NR2C2: variants seen among roughly 807,000 people sequenced by gnomAD.
NR2C2 encodes Nuclear hormone receptor TR4.
Under a neutral mutation model 62.9 loss-of-function variants are expected in NR2C2, and 6 were observed. That is an observed-to-expected ratio of 0.10 (90% CI 0.05 to 0.19). The LOEUF (loss-of-function observed/expected upper bound fraction) is 0.19, where lower values mean the gene tolerates loss of function less well. Ranked by LOEUF, NR2C2 falls within the 10% of genes least tolerant of loss-of-function variation. The pLI, the probability that NR2C2 is intolerant of heterozygous loss-of-function variation, is 1.00. For synonymous variants in NR2C2, 272 were observed against 273.8 expected (o/e 0.99, Z 0.07); for missense variants, 479 against 762.7 (o/e 0.63, Z 4.38).
chr3:14,972,572 G>A (rs543456893), intron 1 of NR2C2, among the ~76,000 whole-genome samples: 5 of 152,194 alleles, frequency 3.3e-5, no homozygotes, highest in African/African-American at 1.2e-4. Context: ...GAGGTTTTTT[G>A]TCATTGAGCT....
intron 9 of NR2C2, 125 bp downstream of exon 9, chr3:15,030,577 T>G: frequency 2.0e-6 from 2 of 985,704 alleles, no homozygotes; most frequent in South Asian, 4.3e-5. Flanking sequence ...CCTGTAATCT[T>G]AGCACTTCGG....
At chr3:14,953,851 C>T (rs973527355) in intron 1 of NR2C2, among the ~76,000 whole-genome samples, 25 of 150,296 alleles carry the variant, frequency 1.7e-4, no homozygotes, top group African/African-American at 4.9e-4. Flanking sequence ...ACCAAGATCA[C>T]GCCACTGCAC....
In NR2C2 at chr3:14,994,547, A is replaced by G. The variant is rs186657560; in HGVS notation, c.-39-9329A>G. On this transcript the variant is annotated intron_variant, in intron 1 of 13. Coordinates refer to ENST00000425241, the MANE Select transcript of NR2C2 (RefSeq NM_001291694.2). ...AACCTCTGCCTCCTGGGTTTAAGCG[A>G]TTCTTCTGCCTCAGACTCCCGAGTA... is the stretch of plus-strand genomic sequence containing the variant. Among the ~76,000 whole-genome samples the G allele has an allele frequency of 1.2e-3, 168 of 142,560 alleles. 1 individual carries two copies. Among genetic ancestry groups the G allele is most frequent in the Admixed American group, 3.8e-3 (51 of 13,318 alleles). The allele number at this position is 142,560 out of a possible 152,430, so 93.5% of individuals were successfully genotyped here.
intron 1 of NR2C2, among the ~76,000 whole-genome samples, chr3:14,978,695 G>T (rs1191006183): frequency 6.6e-6 from 1 of 152,154 alleles, no homozygotes; most frequent in Non-Finnish European, 1.5e-5. Context: ...CATGGGGGTT[G>T]GAGGTTCACT....
chr3:15,031,407 G>A (rs1207610577), intron 9 of NR2C2, among the ~76,000 whole-genome samples: 3 of 151,232 alleles, frequency 2.0e-5, no homozygotes, highest in Admixed American at 6.6e-5. Context: ...AGGCTGAAGC[G>A]TAGTGATGTG....
At chr3:15,008,860 C>T (rs1178526731) in intron 2 of NR2C2, among the ~76,000 whole-genome samples, 3 of 152,160 alleles carry the variant, frequency 2.0e-5, no homozygotes, top group Admixed American at 6.5e-5. Flanking sequence ...TTGTCAGTAA[C>T]GTATTAAAAA....
chr3:15,032,984 T>A (rs2042018299), intron 10 of NR2C2, among the ~76,000 whole-genome samples: 1 of 140,180 alleles, frequency 7.1e-6, no homozygotes, highest in African/African-American at 2.6e-5. Flanking sequence ...CTTTTCTTGC[T>A]TTCTTGAGTA....
chr3:14,976,379 G>T (rs750987714), intron 1 of NR2C2, among the ~76,000 whole-genome samples: 1 of 152,052 alleles, frequency 6.6e-6, no homozygotes, highest in African/African-American at 2.4e-5. Context: ...ATACTTCCTA[G>T]TGTCTCCAAC....
chr3:15,024,430 T>G (rs2041766150), intron 7 of NR2C2, among the ~76,000 whole-genome samples: 1 of 152,244 alleles, frequency 6.6e-6, no homozygotes, highest in African/African-American at 2.4e-5. Flanking sequence ...CTGTAACATG[T>G]CAGTCTAGAT....
At chr3:15,034,631 C>T (rs780032652) in intron 10 of NR2C2, 39 bp from the exon 11 acceptor site, 5 of 1,601,962 alleles carry the variant, frequency 3.1e-6, no homozygotes, top group Non-Finnish European at 4.3e-6. Flanking sequence ...GGAGAAATGC[C>T]AACACACACC....
rs1430216735 is a variant in NR2C2, at chr3:15,047,011, A to C, written c.*4003A>C. 1 of 152,714 alleles carries C rather than the reference A, an allele frequency of 6.5e-6. No individual in the cohort carries two copies. Among genetic ancestry groups the C allele is most frequent in the East Asian group, 1.9e-4 (1 of 5,200 alleles). The allele number at this position is 152,714 out of a possible 1,614,324, so 9.5% of individuals were successfully genotyped here. ...ATGTCCAGCCCTGGGTCCCTTCAGC[A>C]GCATTGTGCGTGTACAGGTTTCTAG... is the stretch of plus-strand genomic sequence containing the variant. On this transcript the variant is annotated 3_prime_UTR_variant, in exon 14 of 14. Coordinates refer to ENST00000425241, the MANE Select transcript of NR2C2 (RefSeq NM_001291694.2).
chr3:15,037,880 A>C (rs1332489818), intron 11 of NR2C2, 120 bp from the exon 12 acceptor site: 1 of 1,081,632 alleles, frequency 9.2e-7, no homozygotes, highest in East Asian at 2.5e-5. Flanking sequence ...TCACCTTGAG[A>C]TTACTGATTT....
rs942956797 is a variant in NR2C2 at position 14,997,357 on chromosome 3, T to C, written c.-39-6519T>C. Among the ~76,000 whole-genome samples the C allele has an allele frequency of 2.6e-5, 4 of 152,352 alleles. No individual in the cohort carries two copies. The South Asian group carries it at 8.3e-4, about 32-fold the overall frequency. ...CTAATGACACATTTCTCAGAACATA[T>C]TCCTGTCTTTAAGCAACACATAACT... On this transcript the variant is annotated intron_variant, in intron 1 of 13. Transcript: ENST00000425241.
chr3:15,035,074 T>A (rs531311888), intron 11 of NR2C2, among the ~76,000 whole-genome samples: 1 of 152,170 alleles, frequency 6.6e-6, no homozygotes, highest in Non-Finnish European at 1.5e-5. Context: ...GGAGGATCAC[T>A]TGAGCCCAGG....
Position 15,049,128 on chromosome 3 carries a change from A to C in NR2C2, c.*6120A>C, listed in dbSNP as rs2042558544. The C allele has an allele frequency of 6.6e-6, 1 of 152,598 alleles. No homozygotes were observed. The highest frequency in any genetic ancestry group is 1.5e-5 in the Non-Finnish European group (1 of 68,028). 9.5% of individuals were successfully genotyped at this position (152,598 alleles called of 1,614,324 possible). A position where few individuals can be genotyped will look rare whatever the true frequency, so the allele number is the denominator to read the frequency against. ...TCTTCAGTCTTGAAGAAGAATTTGC[A>C]TTGTTGTGTTTGTATATAGAGTATT... is the stretch of plus-strand genomic sequence containing the variant. On this transcript the variant is annotated 3_prime_UTR_variant, in exon 14 of 14. Transcript: ENST00000425241.
chr3:14,960,952 TTG>T (rs57608166), intron 1 of NR2C2, among the ~76,000 whole-genome samples: 2,967 of 152,296 alleles, frequency 0.019, 94 homozygotes, highest in African/African-American at 0.068. Flanking sequence ...AAAGGTATCT[TTG>T]TGTTTTTTTC....
chr3:14,966,528 A>G (rs1233836458), intron 1 of NR2C2, among the ~76,000 whole-genome samples: 1 of 152,240 alleles, frequency 6.6e-6, no homozygotes, highest in Non-Finnish European at 1.5e-5. Context: ...TCAAGACTAC[A>G]GTGAGCTATG....
rs142370279 is a variant in NR2C2, at chr3:15,028,662, A to G, written c.875A>G (p.Asn292Ser). 748 of 1,614,184 alleles carry G rather than the reference A, an allele frequency of 4.6e-4. 6 individuals are homozygous for G. The South Asian group carries it at 5.3e-3, about 11-fold the overall frequency. ...CTTGCCAACCTAAGTGAATCTTTGAACAACGGTGACACTTCAGAAATCCAG... is the reference window on the plus strand; with the variant it reads ...CTTGCCAACCTAAGTGAATCTTTGAGCAACGGTGACACTTCAGAAATCCAG... ...TSLANLSESLNNGDTSEIQPE... is the reference protein window; with the variant it reads ...TSLANLSESLSNGDTSEIQPE... Residue 292 changes from asparagine to serine, a missense_variant, in exon 8 of 14, where the codon AAC becomes AGC. Physicochemically the swap from Asn to Ser is conservative, Grantham distance 46. This residue lies in a region of NR2C2 where 151 missense variants were observed against 176.1 expected (regional missense o/e 0.86). Transcript: ENST00000425241.
chr3:14,999,054 C>T (rs754483072), intron 1 of NR2C2, among the ~76,000 whole-genome samples: 27 of 152,084 alleles, frequency 1.8e-4, no homozygotes, highest in African/African-American at 2.4e-4. Flanking sequence ...CAGTGGCTCA[C>T]GCCTGTAATC....
Sources: gnomAD v4.1 joint callset for allele counts (sites outside exome capture counted in the v4.1 genomes callset) on GRCh38, gnomAD v4.1.1 for gene constraint, gnomAD v4.1.1 regional missense constraint, MANE v1.5 for transcripts, NCBI Gene and HGNC (gene_info 2026-07-23, HGNC 2026-07-21) for gene names.